Variants in CNTN5 observed in about 807,000 individuals in gnomAD.
The protein encoded by CNTN5 is contactin-5.
A neutral mutation model predicts 129.1 loss-of-function variants in CNTN5; 77 were observed. The observed-to-expected ratio is 0.60, with a 90% CI of 0.50 to 0.72. The LOEUF is 0.72. Among genes scored for constraint, CNTN5 ranks in the 30% least tolerant of loss-of-function variants. CNTN5 has a pLI of 0.00. For synonymous variants in CNTN5, 509 were observed against 465.6 expected, an observed-to-expected ratio of 1.09 and a Z score of -1.20; for missense variants, 1,478 against 1,328.8, an observed-to-expected ratio of 1.11 and a Z score of -1.75.
intron 2 of CNTN5, among the ~76,000 whole-genome samples, chr11:99,525,192 T>C (rs1207030391): frequency 2.6e-5 from 4 of 152,102 alleles, no homozygotes; most frequent in African/African-American, 4.8e-5. Context: ...CAAAATATTA[T>C]AAACTTTAAA....
At chr11:99,571,255 A>G (rs1157197740) in intron 3 of CNTN5, among the ~76,000 whole-genome samples, 1 of 152,212 alleles carries the variant, frequency 6.6e-6, no homozygotes, top group Non-Finnish European at 1.5e-5. Flanking sequence ...TTCAATGGCT[A>G]TTTGTTAGCT....
At chr11:99,668,392 T>G (rs1471085379) in intron 3 of CNTN5, among the ~76,000 whole-genome samples, 3 of 152,120 alleles carry the variant, frequency 2.0e-5, no homozygotes, top group Non-Finnish European at 2.9e-5. Flanking sequence ...GGAGTGGTGA[T>G]TCTCGTATCC....
chr11:100,115,806 G>T (rs1945823040), intron 13 of CNTN5, among the ~76,000 whole-genome samples: 1 of 151,968 alleles, frequency 6.6e-6, no homozygotes, highest in Admixed American at 6.6e-5. Flanking sequence ...ATTAGATATT[G>T]TTTTTAAAAT....
intron 3 of CNTN5, among the ~76,000 whole-genome samples, chr11:99,673,389 G>A (rs937590740): frequency 3.3e-5 from 5 of 152,082 alleles, no homozygotes; most frequent in African/African-American, 4.8e-5. Flanking sequence ...GTCATGGTAC[G>A]GATTCAATGA....
intron 13 of CNTN5, among the ~76,000 whole-genome samples, chr11:100,096,501 TC>T (rs1945014825): frequency 6.7e-6 from 1 of 149,674 alleles, no homozygotes; most frequent in African/African-American, 2.6e-5. Flanking sequence ...ATACCTGATC[TC>T]CCTCCCACCT....
chr11:99,366,903 G>A (rs1335119878), intron 2 of CNTN5, among the ~76,000 whole-genome samples: 1 of 152,186 alleles, frequency 6.6e-6, no homozygotes, highest in Admixed American at 6.6e-5. Context: ...ACAAATAGCA[G>A]ATTCGGTGCC....
chr11:100,237,882 A>G (rs572614056), intron 16 of CNTN5, among the ~76,000 whole-genome samples: 1 of 152,194 alleles, frequency 6.6e-6, no homozygotes, highest in Non-Finnish European at 1.5e-5. Context: ...TGAGTATATC[A>G]GTAAATTTAC....
chr11:100,100,592 G>A (rs1450563224), intron 13 of CNTN5, among the ~76,000 whole-genome samples: 1 of 152,088 alleles, frequency 6.6e-6, no homozygotes, highest in East Asian at 1.9e-4. Context: ...TGGCTCACAG[G>A]AGGTACCAAA....
chr11:99,815,766 T>G (rs1194836006), intron 3 of CNTN5, among the ~76,000 whole-genome samples: 1 of 152,224 alleles, frequency 6.6e-6, no homozygotes, highest in Non-Finnish European at 1.5e-5. Context: ...GGGTCTCTGT[T>G]GAGGATGAAA....
intron 1 of CNTN5, among the ~76,000 whole-genome samples, chr11:99,165,902 C>G (rs139023436): frequency 1.8e-4 from 27 of 152,264 alleles, no homozygotes; most frequent in African/African-American, 6.0e-4. Flanking sequence ...GACCCGTCAT[C>G]TGAGGTGGGA....
intron 2 of CNTN5, among the ~76,000 whole-genome samples, chr11:99,404,629 C>T (rs964877530): frequency 6.6e-6 from 1 of 152,070 alleles, no homozygotes; most frequent in African/African-American, 2.4e-5. Context: ...CAAGCTAAAA[C>T]AAGGCTAGTA....
chr11:100,260,121 T>G (rs756677618), intron 17 of CNTN5, among the ~76,000 whole-genome samples: 2 of 152,050 alleles, frequency 1.3e-5, no homozygotes, highest in Non-Finnish European at 2.9e-5. Flanking sequence ...ATATCACTAC[T>G]GATCCCACAG....
At chr11:99,903,454 T>C (rs1317175342) in intron 6 of CNTN5, among the ~76,000 whole-genome samples, 1 of 152,078 alleles carries the variant, frequency 6.6e-6, no homozygotes, top group Non-Finnish European at 1.5e-5. Flanking sequence ...GAAAATGCAG[T>C]TATCAGGTTG....
rs749902781 is a variant in CNTN5, at chr11:100,307,182, C to T, written c.2621-1177C>T. 3.0e-4 allele frequency among the ~76,000 whole-genome samples: 46 copies of T among 151,294 alleles called. 1 individual carries two copies. Among genetic ancestry groups the T allele is most frequent in the Non-Finnish European group, 2.8e-4 (19 of 67,680 alleles). ...AGAAAATGATTATGTCTTCAATGTT[C>T]GCCTCTTAACATTTTTATTTAGAAC... On this transcript the variant is annotated intron_variant, in intron 20 of 24. Coordinates refer to ENST00000524871, the MANE Select transcript of CNTN5 (RefSeq NM_014361.4).
chr11:99,540,008 C>T (rs1201222301), intron 2 of CNTN5, among the ~76,000 whole-genome samples: 3 of 152,068 alleles, frequency 2.0e-5, no homozygotes, highest in Non-Finnish European at 4.4e-5. Context: ...GGTGAATTTG[C>T]CTGTTACAGA....
At chr11:99,916,789 A>G (rs542865206) in intron 7 of CNTN5, among the ~76,000 whole-genome samples, 9 of 152,090 alleles carry the variant, frequency 5.9e-5, no homozygotes, top group African/African-American at 1.9e-4. Flanking sequence ...ATAATTTGAG[A>G]TGAGTACTCC....
At chr11:99,518,813 C>T (rs1236651376) in intron 2 of CNTN5, among the ~76,000 whole-genome samples, 2 of 151,952 alleles carry the variant, frequency 1.3e-5, no homozygotes, top group African/African-American at 2.4e-5. Flanking sequence ...TCTCTTAAAA[C>T]TTTTACATTG....
At chr11:99,536,824 A>G (rs960354102) in intron 2 of CNTN5, among the ~76,000 whole-genome samples, 1 of 149,196 alleles carries the variant, frequency 6.7e-6, no homozygotes, top group Non-Finnish European at 1.5e-5. Context: ...GAAGCCAGAT[A>G]TGTAATTTTA....
intron 3 of CNTN5, among the ~76,000 whole-genome samples, chr11:99,779,507 A>T (rs1490034198): frequency 6.6e-6 from 1 of 151,984 alleles, no homozygotes; most frequent in Non-Finnish European, 1.5e-5. Context: ...GAAGACTGGT[A>T]AATTTCCAGC....
Sources: allele counts gnomAD v4.1 joint callset (sites outside exome capture counted in the v4.1 genomes callset), GRCh38; gene constraint gnomAD v4.1.1; transcripts MANE v1.5; gene names NCBI Gene and HGNC (gene_info 2026-07-23, HGNC 2026-07-21).